The following BIRC2 variants were observed in gnomAD, a reference collection of about 807,000 sequenced individuals.
BIRC2 encodes baculoviral IAP repeat containing 2.
Under a neutral mutation model 60.9 loss-of-function variants are expected in BIRC2, and 18 were observed. The ratio of observed to expected loss-of-function variants is 0.30; its 90% CI spans 0.20 to 0.44. The LOEUF is 0.44. Among genes scored for constraint, BIRC2 ranks in the 20% least tolerant of loss-of-function variants. The probability of loss-of-function intolerance (pLI) is 1.00; values close to 1 mark genes in which losing one functional copy is unlikely to be tolerated. For missense variants in BIRC2, 701 were observed against 728.5 expected, an observed-to-expected ratio of 0.96 and a Z score of 0.43; for synonymous variants, 282 against 247.7, an observed-to-expected ratio of 1.14 and a Z score of -1.30.
At chr11:102,369,141 A>G (rs1951590556) in intron 6 of BIRC2, among the ~76,000 whole-genome samples, 1 of 109,346 alleles carries the variant, frequency 9.1e-6, no homozygotes, top group Non-Finnish European at 2.3e-5. Context: ...TATTCCTTCA[A>G]TAAATTTTTT....
chr11:102,353,484 G>GTTTTTTTTT, intron 3 of BIRC2, among the ~76,000 whole-genome samples: 1 of 151,884 alleles, frequency 6.6e-6, no homozygotes, highest in African/African-American at 2.4e-5. Context: ...ACACTCAGTA[G>GTTTTTTTTT]TTTTTGTATT....
intron 3 of BIRC2, among the ~76,000 whole-genome samples, chr11:102,352,602 A>C (rs1321673294): frequency 6.6e-6 from 1 of 151,888 alleles, no homozygotes; most frequent in African/African-American, 2.4e-5. Flanking sequence ...TAGTAGAGAC[A>C]GGGTTTTTAG....
At chr11:102,374,841 C>G (rs555000649) in intron 6 of BIRC2, among the ~76,000 whole-genome samples, 1 of 152,214 alleles carries the variant, frequency 6.6e-6, no homozygotes, top group Admixed American at 6.5e-5. Flanking sequence ...TAGGACCCTC[C>G]GAGCCAGGTG....
At chr11:102,369,629 G>A (rs1170251049) in intron 6 of BIRC2, among the ~76,000 whole-genome samples, 1 of 145,132 alleles carries the variant, frequency 6.9e-6, no homozygotes, top group Non-Finnish European at 1.5e-5. Flanking sequence ...AAACATACGT[G>A]TGCATGTGTC....
chr11:102,376,804 A>G (rs535502506), intron 6 of BIRC2, among the ~76,000 whole-genome samples: 2 of 152,170 alleles, frequency 1.3e-5, no homozygotes, highest in Non-Finnish European at 2.9e-5. Flanking sequence ...GTATTATTCA[A>G]TCCTTACAAC....
chr11:102,368,227 A>G, intron 5 of BIRC2, 79 bp from the exon 6 acceptor site: 3 of 1,473,414 alleles, frequency 2.0e-6, no homozygotes, highest in Non-Finnish European at 1.8e-6. Context: ...TAAAGGATGA[A>G]TAAAGATTGT....
At chr11:102,361,628 A>T (rs1485100713) in intron 3 of BIRC2, among the ~76,000 whole-genome samples, 1 of 152,106 alleles carries the variant, frequency 6.6e-6, no homozygotes, top group Non-Finnish European at 1.5e-5. Flanking sequence ...CTTCACTGTG[A>T]AACCTGCAGG....
Position 102,349,986 on chromosome 11 carries a change from C to T in BIRC2, c.132C>T (p.Ser44=), listed in dbSNP as rs771672336. The change falls in exon 2 of 9, where the codon TCC becomes TCT. Residue 44 remains serine (S), a synonymous_variant. Transcript: ENST00000227758. ...SNKQKMKYDF[S]CELYRMSTYS... ...AACAAAAAATGAAGTATGACTTTTC[C>T]TGTGAACTCTACAGAATGTCTACAT... The T allele has an allele frequency of 1.2e-6, 2 of 1,614,054 alleles. No individual in the cohort carries two copies. Among genetic ancestry groups the T allele is most frequent in the Non-Finnish European group, 1.7e-6 (2 of 1,180,028 alleles).
intron 3 of BIRC2, among the ~76,000 whole-genome samples, chr11:102,358,303 C>T (rs1402870668): frequency 6.6e-6 from 1 of 152,142 alleles, no homozygotes; most frequent in African/African-American, 2.4e-5. Context: ...TTTTGAGTAC[C>T]AACATGATGC....
chr11:102,353,767 A>G (rs977639542), intron 3 of BIRC2, among the ~76,000 whole-genome samples: 3 of 136,960 alleles, frequency 2.2e-5, no homozygotes, highest in East Asian at 2.1e-4. Context: ...ATTATTAGCT[A>G]TAGTCACCAT....
At chr11:102,352,320 T>C (rs1305324382) in intron 3 of BIRC2, among the ~76,000 whole-genome samples, 2 of 152,064 alleles carry the variant, frequency 1.3e-5, no homozygotes, top group Non-Finnish European at 2.9e-5. Flanking sequence ...TTCACCATGT[T>C]AGACAGGATG....
At chr11:102,360,395 G>C (rs1768599709) in intron 3 of BIRC2, among the ~76,000 whole-genome samples, 1 of 150,458 alleles carries the variant, frequency 6.6e-6, no homozygotes, top group African/African-American at 2.5e-5. Context: ...CTGCCTTTGA[G>C]TTCACAGGTT....
chr11:102,352,441 C>T (rs1951374161), intron 3 of BIRC2, among the ~76,000 whole-genome samples: 1 of 151,412 alleles, frequency 6.6e-6, no homozygotes, highest in South Asian at 2.1e-4. Context: ...GGTGGAGTCT[C>T]ACTCTGTCAT....
intron 5 of BIRC2, among the ~76,000 whole-genome samples, 156 bp downstream of exon 5, chr11:102,363,872 C>A (rs1487294428): frequency 6.6e-6 from 1 of 151,770 alleles, no homozygotes; most frequent in Non-Finnish European, 1.5e-5. Context: ...GCCTGGCCAA[C>A]ATAGTAAAAC....
intron 4 of BIRC2, 38 bp downstream of exon 4, chr11:102,363,012 CT>C: frequency 7.0e-7 from 1 of 1,428,070 alleles, no homozygotes; most frequent in Non-Finnish European, 9.7e-7. Flanking sequence ...TTGAATTCTG[CT>C]TTATAATAAC....
chr11:102,350,977 ACT>A (rs750027735), intron 3 of BIRC2, 34 bp downstream of exon 3: 3 of 1,596,922 alleles, frequency 1.9e-6, no homozygotes, highest in Non-Finnish European at 2.6e-6. Flanking sequence ...TGTACAAAAA[ACT>A]CTGTGCTTAA....
chr11:102,356,139 C>T (rs951864452), intron 3 of BIRC2, among the ~76,000 whole-genome samples: 4 of 151,036 alleles, frequency 2.6e-5, no homozygotes, highest in African/African-American at 4.9e-5. Flanking sequence ...ATTGAATAGA[C>T]GTGGCAAGAG....
In BIRC2 at chr11:102,372,189, G is replaced by A. The variant is rs545547098; in HGVS notation, c.1366+3641G>A. ...TTCCTTCAGTTCTGCTCTGATCTTA[G>A]TTATTTCCTGCCTTCTGCTAGCTTT... On this transcript the variant is annotated intron_variant, in intron 6 of 8. Transcript: ENST00000227758. Among the ~76,000 whole-genome samples, 64 of 152,246 alleles carry A rather than the reference G, an allele frequency of 4.2e-4. 1 individual carries two copies. In the South Asian group the frequency reaches 0.012, roughly 30 times the overall value.
intron 6 of BIRC2, among the ~76,000 whole-genome samples, chr11:102,376,081 G>T (rs1215014768): frequency 1.3e-5 from 2 of 152,072 alleles, no homozygotes; most frequent in Non-Finnish European, 2.9e-5. Context: ...TCCAGCTAAG[G>T]TTATATGAAA....
Sources: gnomAD v4.1 joint callset for allele counts (sites outside exome capture counted in the v4.1 genomes callset) on GRCh38, gnomAD v4.1.1 for gene constraint, MANE v1.5 for transcripts, NCBI Gene and HGNC (gene_info 2026-07-23, HGNC 2026-07-21) for gene names.